The following ADAM12 variants were observed in gnomAD, a reference collection of about 807,000 sequenced individuals.
The protein encoded by ADAM12 is disintegrin and metalloproteinase domain-containing protein 12.
A neutral mutation model predicts 106.4 loss-of-function variants in ADAM12; 70 were observed. That is an observed-to-expected ratio of 0.66 (90% CI 0.54 to 0.80). ADAM12 has a LOEUF of 0.80. Among genes scored for constraint, ADAM12 ranks in the 30% least tolerant of loss-of-function variants. ADAM12 has a pLI of 0.00. For synonymous variants in ADAM12, 420 were observed against 433.5 expected (o/e 0.97, Z 0.39); for missense variants, 1,010 against 1,171.9 (o/e 0.86, Z 2.02).
At chr10:126,312,376 A>G (rs1040361779) in intron 2 of ADAM12, among the ~76,000 whole-genome samples, 4 of 152,182 alleles carry the variant, frequency 2.6e-5, no homozygotes, top group African/African-American at 9.6e-5. Context: ...AAGCTCCAGA[A>G]CAGCAAGTCC....
intron 1 of ADAM12, among the ~76,000 whole-genome samples, chr10:126,378,307 A>G (rs1423635766): frequency 6.6e-6 from 1 of 152,226 alleles, no homozygotes; most frequent in Non-Finnish European, 1.5e-5. Flanking sequence ...GGTTCCCTAG[A>G]GCTTACACCC....
At chr10:126,097,221 G>A (rs1040313591) in intron 10 of ADAM12, among the ~76,000 whole-genome samples, 4 of 152,186 alleles carry the variant, frequency 2.6e-5, no homozygotes, top group African/African-American at 9.7e-5. Context: ...TAAAAATAGA[G>A]TTGGGATCTG....
chr10:126,344,808 G>A (rs1405956808), intron 1 of ADAM12, among the ~76,000 whole-genome samples: 1 of 152,110 alleles, frequency 6.6e-6, no homozygotes, highest in East Asian at 1.9e-4. Flanking sequence ...GTTCACTCAT[G>A]ATTTGGCTCT....
chr10:126,225,254 T>C (rs1958170506), intron 3 of ADAM12, among the ~76,000 whole-genome samples: 1 of 152,206 alleles, frequency 6.6e-6, no homozygotes, highest in Non-Finnish European at 1.5e-5. Context: ...TGTTTTCTGT[T>C]GTGTCTCAAG....
chr10:126,147,644 T>A (rs1370340376), intron 4 of ADAM12, among the ~76,000 whole-genome samples: 1 of 152,224 alleles, frequency 6.6e-6, no homozygotes, highest in African/African-American at 2.4e-5. Context: ...AGCCTCCAGC[T>A]GTTGGTTCAA....
At chr10:126,322,342 G>A (rs1011367559) in intron 2 of ADAM12, among the ~76,000 whole-genome samples, 7 of 152,180 alleles carry the variant, frequency 4.6e-5, no homozygotes, top group African/African-American at 7.2e-5. Context: ...AGGCCAAGAC[G>A]GGGATCCCAG....
At chr10:126,319,233 A>G (rs183977586) in intron 2 of ADAM12, among the ~76,000 whole-genome samples, 299 of 152,262 alleles carry the variant, frequency 2.0e-3, no homozygotes, top group Admixed American at 4.3e-3. Context: ...GGTGCAGCGT[A>G]ACTCCCCACT....
intron 3 of ADAM12, among the ~76,000 whole-genome samples, chr10:126,204,645 T>C (rs547063562): frequency 2.6e-5 from 4 of 152,354 alleles, no homozygotes; most frequent in African/African-American, 9.6e-5. Context: ...CCTTTGTTCA[T>C]AAATTGTTAA....
intron 4 of ADAM12, among the ~76,000 whole-genome samples, chr10:126,145,143 C>CATACATT (rs1956602220): frequency 6.6e-6 from 1 of 152,088 alleles, no homozygotes; most frequent in Admixed American, 6.5e-5. Context: ...ATGTATGTTC[C>CATACATT]CTGAGGACAG....
intron 3 of ADAM12, among the ~76,000 whole-genome samples, chr10:126,216,248 T>G (rs1298300431): frequency 6.6e-6 from 1 of 152,214 alleles, no homozygotes; most frequent in African/African-American, 2.4e-5. Flanking sequence ...AAGTGACTAC[T>G]TTGTGCAAAA....
chr10:126,097,675 G>C (rs768539991), intron 10 of ADAM12, among the ~76,000 whole-genome samples: 3 of 152,148 alleles, frequency 2.0e-5, no homozygotes, highest in Non-Finnish European at 4.4e-5. Flanking sequence ...TGGTGCAGAG[G>C]AGACACTAAA....
intron 9 of ADAM12, among the ~76,000 whole-genome samples, chr10:126,100,584 G>A (rs548089544): frequency 6.6e-5 from 10 of 151,734 alleles, no homozygotes; most frequent in Non-Finnish European, 1.0e-4. Flanking sequence ...GCGTGGTGGC[G>A]TGTGCCTGTA....
chr10:126,266,878 G>T (rs1012782707), intron 3 of ADAM12, among the ~76,000 whole-genome samples: 4 of 152,044 alleles, frequency 2.6e-5, no homozygotes, highest in Admixed American at 2.6e-4. Context: ...GGGGGATGCC[G>T]CTAAACCACG....
At chr10:126,351,034 T>C (rs139555904) in intron 1 of ADAM12, among the ~76,000 whole-genome samples, 4 of 152,266 alleles carry the variant, frequency 2.6e-5, no homozygotes, top group East Asian at 1.9e-4. Context: ...ATCGGTCACA[T>C]AGTGAAATGA....
chr10:126,043,017 C>G lies in ADAM12; in HGVS notation c.2104+23G>C, dbSNP rs374925006. 2.5e-6 allele frequency: 4 copies of G among 1,610,432 alleles called. No homozygotes were observed. In the African/African-American group the frequency reaches 5.3e-5, roughly 22 times the overall value. ...CCCCAGGTGCTCAGCCTCCTCCCAC[C>G]GGGATGCAGGGGCTTCACTGACCTG... On this transcript the variant is annotated intron_variant, in intron 18 of 22. Transcript: ENST00000448723. This position sits in a 1 kb window ranked among gnomAD's most constrained non-coding sequence, Gnocchi z 4.1.
intron 14 of ADAM12, among the ~76,000 whole-genome samples, chr10:126,056,078 A>G (rs190092480): frequency 1.3e-5 from 2 of 152,244 alleles, no homozygotes; most frequent in African/African-American, 4.8e-5. Flanking sequence ...AACTGACTCC[A>G]CTCTGCCATT....
At chr10:126,377,954 C>T (rs540096855) in intron 1 of ADAM12, among the ~76,000 whole-genome samples, 1 of 152,064 alleles carries the variant, frequency 6.6e-6, no homozygotes, top group East Asian at 1.9e-4. Context: ...TATTTCGGAG[C>T]TCAGGAAAGA....
intron 2 of ADAM12, among the ~76,000 whole-genome samples, chr10:126,298,892 G>A (rs982652033): frequency 6.6e-6 from 1 of 152,182 alleles, no homozygotes; most frequent in Non-Finnish European, 1.5e-5. Flanking sequence ...AATTGAAAAT[G>A]AAATATCCTT....
intron 1 of ADAM12, among the ~76,000 whole-genome samples, chr10:126,351,661 T>TCC (rs778264459): frequency 1.3e-5 from 2 of 152,076 alleles, no homozygotes; most frequent in Non-Finnish European, 2.9e-5. Flanking sequence ...CCAGAAGCCC[T>TCC]CCAGTGACCT....
Sources: gnomAD v4.1 joint callset for allele counts (sites outside exome capture counted in the v4.1 genomes callset) on GRCh38, gnomAD v4.1.1 for gene constraint, Gnocchi (gnomAD v3.1) non-coding constraint, MANE v1.5 for transcripts, NCBI Gene and HGNC (gene_info 2026-07-23, HGNC 2026-07-21) for gene names.